Variants in AGAP1 observed in about 807,000 individuals in gnomAD.
The protein encoded by AGAP1 is ArfGAP with GTPase domain, ankyrin repeat and PH domain 1.
In AGAP1, 29 loss-of-function variants were observed where a neutral mutation model predicts 105.3. The observed-to-expected ratio is 0.28, with a 90% CI of 0.21 to 0.38. AGAP1 has a LOEUF of 0.38. Ranked by LOEUF, AGAP1 falls within the 10% of genes least tolerant of loss-of-function variation. AGAP1 has a pLI of 1.00. For missense variants in AGAP1, 998 were observed against 1,165.1 expected (o/e 0.86, Z 2.09); for synonymous variants, 509 against 485.9 (o/e 1.05, Z -0.63).
intron 14 of AGAP1, chr2:236,037,116 G>A (rs2057406003): frequency 5.4e-6 from 1 of 184,720 alleles, no homozygotes; most frequent in African/African-American, 2.4e-5. Flanking sequence ...CATCAAGTTG[G>A]AAAACCGTCT....
chr2:235,892,291 A>C (rs955271683), intron 10 of AGAP1, among the ~76,000 whole-genome samples: 1 of 152,178 alleles, frequency 6.6e-6, no homozygotes, highest in African/African-American at 2.4e-5. Context: ...AAAATTGTTA[A>C]AGAGCTTTTC....
chr2:235,606,486 G>A (rs1473463851), intron 1 of AGAP1, among the ~76,000 whole-genome samples: 1 of 152,224 alleles, frequency 6.6e-6, no homozygotes. Flanking sequence ...TGTTTGGAAT[G>A]TCTAGTATCA....
chr2:235,513,777 G>T (rs1032000887), intron 1 of AGAP1, among the ~76,000 whole-genome samples: 1 of 152,148 alleles, frequency 6.6e-6, no homozygotes, highest in Non-Finnish European at 1.5e-5. Context: ...TTTCTGGCTG[G>T]CAGATAGAGG....
chr2:235,887,966 C>T lies in AGAP1; in HGVS notation c.1155+4517C>T, dbSNP rs944411835. 2.0e-5 allele frequency among the ~76,000 whole-genome samples: 3 copies of T among 152,192 alleles called. No individual in the cohort carries two copies. Among genetic ancestry groups the T allele is most frequent in the Non-Finnish European group, 1.5e-5 (1 of 68,042 alleles). The stretch of plus-strand genomic sequence containing the variant: ...GGCAGCCCATCACCGGCAGCGCTTG[C>T]TCGTGGTGGTGAGGCCTCTCCCTTC... On this transcript the variant is annotated intron_variant, in intron 10 of 17. Transcript: ENST00000304032. This position sits in a 1 kb window ranked among gnomAD's most constrained non-coding sequence, Gnocchi z 4.1.
intron 1 of AGAP1, among the ~76,000 whole-genome samples, chr2:235,533,863 A>G (rs963042147): frequency 6.6e-6 from 1 of 152,230 alleles, no homozygotes; most frequent in Non-Finnish European, 1.5e-5. Flanking sequence ...AATGGTCAAG[A>G]GAGTTGGTTG....
At chr2:235,654,600 A>G (rs1179722659) in intron 1 of AGAP1, among the ~76,000 whole-genome samples, 3 of 152,228 alleles carry the variant, frequency 2.0e-5, no homozygotes, top group Admixed American at 1.3e-4. Flanking sequence ...GTTAGTGGAG[A>G]TAAAGTGATC....
intron 11 of AGAP1, among the ~76,000 whole-genome samples, chr2:235,924,691 A>G (rs1427307827): frequency 2.0e-5 from 3 of 152,208 alleles, no homozygotes; most frequent in African/African-American, 7.2e-5. Context: ...CAGTTCCCAC[A>G]GGGTGACACC....
chr2:235,536,042 T>C (rs943988296), intron 1 of AGAP1, among the ~76,000 whole-genome samples: 4 of 151,778 alleles, frequency 2.6e-5, no homozygotes, highest in African/African-American at 9.7e-5. Flanking sequence ...GTGCCTCCTC[T>C]AGACCCCTGA....
rs1486965930 is a variant in AGAP1, at chr2:235,793,101, G to A, written c.674-4658G>A. 4.6e-5 allele frequency among the ~76,000 whole-genome samples: 7 copies of A among 152,120 alleles called. No homozygotes were observed. Among genetic ancestry groups the A allele is most frequent in the South Asian group, 4.1e-4 (2 of 4,820 alleles). On this transcript the variant is annotated intron_variant, in intron 6 of 17. Transcript: ENST00000304032. The surrounding 1 kb of genome is among the most constrained non-coding windows in gnomAD (Gnocchi z 5.3). The stretch of plus-strand genomic sequence containing the variant: ...GCAGAAGAGGAAAGGAGGGAATGAC[G>A]AGGAACGCCACATGCTGCTCAGAGG...
chr2:235,913,258 A>T (rs2051706921), intron 11 of AGAP1, among the ~76,000 whole-genome samples: 1 of 152,004 alleles, frequency 6.6e-6, no homozygotes, highest in Non-Finnish European at 1.5e-5. Context: ...AAATATATGT[A>T]TGTGTTTATG....
chr2:235,885,181 T>C (rs2050214152), intron 10 of AGAP1, among the ~76,000 whole-genome samples: 1 of 152,194 alleles, frequency 6.6e-6, no homozygotes, highest in African/African-American at 2.4e-5. Context: ...TATGTATATT[T>C]CTCTTTTCCT....
At chr2:235,760,587 A>T (rs866157582) in intron 6 of AGAP1, among the ~76,000 whole-genome samples, 103 of 152,158 alleles carry the variant, frequency 6.8e-4, no homozygotes, top group African/African-American at 1.9e-3. Flanking sequence ...CTTTCTTTTT[A>T]TTATTATTTC....
chr2:235,531,437 C>G (rs1943041319), intron 1 of AGAP1, among the ~76,000 whole-genome samples: 2 of 152,136 alleles, frequency 1.3e-5, no homozygotes, highest in Admixed American at 1.3e-4. Flanking sequence ...CTGTCCTCAT[C>G]TCTGCATCGG....
In AGAP1 at chr2:236,102,412, C is replaced by T. The variant is rs545266998; in HGVS notation, c.2115-17780C>T. 7.1e-5 allele frequency among the ~76,000 whole-genome samples: 7 copies of T among 98,014 alleles called. No homozygotes were observed. In the East Asian group the frequency reaches 2.0e-3, roughly 28 times the overall value. The allele number at this position is 98,014 out of a possible 152,430, so 64.3% of individuals were successfully genotyped here. ...CAGCCTGGGCGACAGAGCGAGACTC[C>T]ATCTCAAAAAAAAAAAAAAAAAAAA... On this transcript the variant is annotated intron_variant, in intron 16 of 17. Coordinates refer to ENST00000304032, the MANE Select transcript of AGAP1 (RefSeq NM_001037131.3).
chr2:236,119,774 T>G lies in AGAP1; in HGVS notation c.2115-418T>G, dbSNP rs1001995295. Among the ~76,000 whole-genome samples, 1 of 152,184 alleles carries G rather than the reference T, an allele frequency of 6.6e-6. No individual in the cohort carries two copies. The highest frequency in any genetic ancestry group is 2.4e-5 in the African/African-American group (1 of 41,436). Reference sequence around the variant, plus strand: ...CTGTGCATCGGTGTGTGAGAGCCACTGATCCAAGGCCATGGCCTTGAGCCC... The same window carrying G: ...CTGTGCATCGGTGTGTGAGAGCCACGGATCCAAGGCCATGGCCTTGAGCCC... On this transcript the variant is annotated intron_variant, in intron 16 of 17. Transcript: ENST00000304032. The surrounding 1 kb of genome is among the most constrained non-coding windows in gnomAD (Gnocchi z 6.6).
chr2:235,952,597 CTG>C (rs902093618), intron 12 of AGAP1, among the ~76,000 whole-genome samples: 2 of 152,052 alleles, frequency 1.3e-5, no homozygotes, highest in Admixed American at 6.5e-5. Flanking sequence ...TAAATTTTAT[CTG>C]TGTTTTTTTT....
In AGAP1 at chr2:235,957,089, A is replaced by G. The variant is rs561951024; in HGVS notation, c.1484-11373A>G. Among the ~76,000 whole-genome samples, 73 of 152,360 alleles carry G rather than the reference A, an allele frequency of 4.8e-4. No homozygotes were observed. The highest frequency in any genetic ancestry group is 1.6e-3 in the African/African-American group (67 of 41,586). ...TTTTAGTATCTCACAGATACCTGCAACCATCACCACAGTCAATCTCAGAAC... is the reference window on the plus strand; with the variant it reads ...TTTTAGTATCTCACAGATACCTGCAGCCATCACCACAGTCAATCTCAGAAC... On this transcript the variant is annotated intron_variant, in intron 12 of 17. Coordinates refer to ENST00000304032, the MANE Select transcript of AGAP1 (RefSeq NM_001037131.3). This position sits in a 1 kb window ranked among gnomAD's most constrained non-coding sequence, Gnocchi z 4.6.
At position 235,690,543 on chromosome 2, in the gene AGAP1, C is replaced by A. The variant is rs1949689266; in HGVS notation, c.164-18636C>A. The stretch of plus-strand genomic sequence containing the variant: ...GGTAGAGGAGGCTGGCCAACTCAGA[C>A]ACCTAAGCAGCCACATCAGACCCAG... On this transcript the variant is annotated intron_variant, in intron 1 of 17. Transcript: ENST00000304032. This position sits in a 1 kb window ranked among gnomAD's most constrained non-coding sequence, Gnocchi z 4.1. Among the ~76,000 whole-genome samples the A allele has an allele frequency of 2.6e-5, 4 of 152,222 alleles. No homozygotes were observed. Among genetic ancestry groups the A allele is most frequent in the African/African-American group, 9.6e-5 (4 of 41,458 alleles).
chr2:235,618,143 T>G (rs1946366876), intron 1 of AGAP1, among the ~76,000 whole-genome samples: 1 of 152,156 alleles, frequency 6.6e-6, no homozygotes, highest in African/African-American at 2.4e-5. Context: ...TTTTGCTCCC[T>G]TTTACTGTTA....
Sources: allele counts gnomAD v4.1 joint callset (sites outside exome capture counted in the v4.1 genomes callset), GRCh38; gene constraint gnomAD v4.1.1; non-coding constraint Gnocchi (gnomAD v3.1); transcripts MANE v1.5; gene names NCBI Gene and HGNC (gene_info 2026-07-23, HGNC 2026-07-21).